Variants in TTC3 observed in about 807,000 individuals in gnomAD.
The protein encoded by TTC3 is tetratricopeptide repeat domain 3.
A neutral mutation model predicts 249.6 loss-of-function variants in TTC3; 180 were observed. The observed-to-expected ratio is 0.72, with a 90% confidence interval of 0.64 to 0.82. The LOEUF is 0.82. TTC3 is among the 40% of genes least tolerant of loss of function. TTC3 has a pLI of 0.00. For synonymous variants in TTC3, 717 were observed against 805.0 expected, an observed-to-expected ratio of 0.89 and a Z score of 1.85; for missense variants, 2,061 against 2,398.4, an observed-to-expected ratio of 0.86 and a Z score of 2.94.
chr21:37,203,012 T>G (rs2085626517), exon 46 of TTC3: 1 of 152,238 alleles, frequency 6.6e-6, no homozygotes, highest in Non-Finnish European at 1.5e-5. Flanking sequence ...GAACATCCGT[T>G]GAATGAGTGT....
At chr21:37,138,826 C>T (rs2078186913) in intron 19 of TTC3, 112 bp downstream of exon 19, 1 of 626,066 alleles carries the variant, frequency 1.6e-6, no homozygotes, top group Non-Finnish European at 2.6e-6. Flanking sequence ...ATAATTTTGT[C>T]TGAAATATCT....
intron 37 of TTC3, among the ~76,000 whole-genome samples, chr21:37,186,663 G>A (rs760680239): frequency 3.9e-5 from 6 of 152,182 alleles, no homozygotes. Flanking sequence ...CTGGGCCCAA[G>A]CGATCCGCCT....
At chr21:37,088,734 C>A in intron 4 of TTC3, 65 bp from the exon 5 acceptor site, 1 of 1,422,540 alleles carries the variant, frequency 7.0e-7, no homozygotes, top group Non-Finnish European at 9.7e-7. Context: ...TATAGCTAAG[C>A]ATAAAGTTCA....
chr21:37,192,507 G>A, intron 41 of TTC3, among the ~76,000 whole-genome samples: 1 of 151,644 alleles, frequency 6.6e-6, no homozygotes, highest in East Asian at 1.9e-4. Context: ...GTGTGTGTGT[G>A]TGTGTGTGTG....
chr21:37,195,822 G>A, exon 42 of TTC3: 3 of 1,614,236 alleles, frequency 1.9e-6, no homozygotes, highest in Non-Finnish European at 2.5e-6. Flanking sequence ...GGCTCCTTCT[G>A]CGCTGTTGCC....
At chr21:37,091,794 G>C (rs1358015886) in intron 7 of TTC3, among the ~76,000 whole-genome samples, 1 of 152,130 alleles carries the variant, frequency 6.6e-6, no homozygotes, top group Non-Finnish European at 1.5e-5. Flanking sequence ...TGTTCACCAG[G>C]TTGATCTCGA....
At chr21:37,196,130 G>C in intron 42 of TTC3, 94 bp downstream of exon 42, 1 of 1,488,578 alleles carries the variant, frequency 6.7e-7, no homozygotes, top group Non-Finnish European at 9.0e-7. Context: ...GTGTTAACAT[G>C]AAAAGGGTTG....
intron 11 of TTC3, among the ~76,000 whole-genome samples, chr21:37,113,543 A>C (rs1412890192): frequency 6.6e-6 from 1 of 152,218 alleles, no homozygotes; most frequent in Non-Finnish European, 1.5e-5. Context: ...AGAGGATACA[A>C]ACAAATGGAA....
At chr21:37,132,208 A>C (rs1195880562) in intron 16 of TTC3, among the ~76,000 whole-genome samples, 1 of 152,182 alleles carries the variant, frequency 6.6e-6, no homozygotes, top group East Asian at 1.9e-4. Context: ...CCCCCCAAAG[A>C]ATGGCCAACT....
chr21:37,126,748 C>T (rs2077067522), intron 15 of TTC3, among the ~76,000 whole-genome samples: 2 of 152,158 alleles, frequency 1.3e-5, no homozygotes, highest in Admixed American at 1.3e-4. Flanking sequence ...TCAACAGATT[C>T]GATGTCTGCT....
intron 35 of TTC3, among the ~76,000 whole-genome samples, chr21:37,182,424 A>G (rs1353039611): frequency 6.6e-6 from 1 of 152,268 alleles, no homozygotes; most frequent in Non-Finnish European, 1.5e-5. Context: ...AAAAGCAAAC[A>G]AAAACTATTG....
chr21:37,108,429 A>C (rs1330043740), exon 11 of TTC3: 1 of 1,612,542 alleles, frequency 6.2e-7, no homozygotes, highest in African/African-American at 1.3e-5. Flanking sequence ...CACTATTCTG[A>C]AGAACACTTG....
At chr21:37,091,539 A>G (rs2073262670) in intron 7 of TTC3, 126 bp downstream of exon 7, 3 of 477,052 alleles carry the variant, frequency 6.3e-6, no homozygotes, top group Middle Eastern at 3.9e-4. Flanking sequence ...TTTGTTATAT[A>G]TGGCTGAAAA....
chr21:37,156,055 G>C (rs79358074), intron 27 of TTC3, among the ~76,000 whole-genome samples: 1 of 148,282 alleles, frequency 6.7e-6, no homozygotes, highest in Non-Finnish European at 1.5e-5. Flanking sequence ...TTTTTTTTTA[G>C]AGATAGGGTC....
At chr21:37,139,850 GA>G (rs1271636014) in intron 19 of TTC3, among the ~76,000 whole-genome samples, 1 of 152,078 alleles carries the variant, frequency 6.6e-6, no homozygotes, top group Non-Finnish European at 1.5e-5. Flanking sequence ...ATGTTTAAAA[GA>G]ATTTCATCAG....
chr21:37,197,121 G>T (rs2084998994), intron 42 of TTC3, among the ~76,000 whole-genome samples: 1 of 152,246 alleles, frequency 6.6e-6, no homozygotes, highest in Non-Finnish European at 1.5e-5. Flanking sequence ...CTGAGACAGT[G>T]TTAATTACAG....
chr21:37,133,024 T>C (rs1450308820), intron 17 of TTC3, among the ~76,000 whole-genome samples: 1 of 152,212 alleles, frequency 6.6e-6, no homozygotes, highest in African/African-American at 2.4e-5. Context: ...TCATTTAATA[T>C]ATATGACTGC....
intron 1 of TTC3, among the ~76,000 whole-genome samples, chr21:37,077,839 CCTGT>C (rs1214174115): frequency 5.9e-5 from 9 of 152,090 alleles, no homozygotes; most frequent in African/African-American, 7.2e-5. Context: ...TGGTTTGTGG[CCTGT>C]CTTTCTACTG....
chr21:37,119,035 G>A (rs1262315739), intron 11 of TTC3, among the ~76,000 whole-genome samples: 1 of 151,998 alleles, frequency 6.6e-6, no homozygotes, highest in African/African-American at 2.4e-5. Context: ...GTTTTCAGTT[G>A]GTTTATTTTG....
Sources: gnomAD v4.1 joint callset for allele counts (sites outside exome capture counted in the v4.1 genomes callset) on GRCh38, gnomAD v4.1.1 for gene constraint, MANE v1.5 for transcripts, NCBI Gene and HGNC (gene_info 2026-07-23, HGNC 2026-07-21) for gene names.